Variants in IL1RN observed in about 807,000 individuals in gnomAD.
IL1RN encodes the protein interleukin-1 receptor antagonist protein.
IL1RN carries 10 observed loss-of-function variants against 13.7 expected under a neutral mutation model. That is an observed-to-expected ratio of 0.73 (90% CI 0.45 to 1.24). The LOEUF is 1.24. Ranked by LOEUF, IL1RN falls within the 50% of genes most tolerant of loss-of-function variation. The pLI is 0.00. For synonymous variants in IL1RN, 102 were observed against 82.7 expected (o/e 1.23, Z -1.27); for missense variants, 213 against 222.1 (o/e 0.96, Z 0.26).
At chr2:113,118,232 C>A (rs1241212775) in intron 1 of IL1RN, among the ~76,000 whole-genome samples, 1 of 152,198 alleles carries the variant, frequency 6.6e-6, no homozygotes, top group Non-Finnish European at 1.5e-5. Flanking sequence ...GCAGGGGCTG[C>A]AAGCCTAGTG....
the IL1RN span, among the ~76,000 whole-genome samples, chr2:113,099,896 G>T: frequency 6.6e-5 from 9 of 136,466 alleles, no homozygotes; most frequent in Non-Finnish European, 1.5e-4. Flanking sequence ...CACCACGCCC[G>T]GCTAATTTTT....
chr2:113,129,667 G>A lies in IL1RN; in HGVS notation c.205+3G>A, dbSNP rs772756844. The A allele has an allele frequency of 6.2e-7, 1 of 1,603,502 alleles. No homozygotes were observed. Among genetic ancestry groups the A allele is most frequent in the East Asian group, 2.2e-5 (1 of 44,842 alleles). On this transcript the variant is annotated splice_donor_region_variant and intron_variant, in intron 2 of 3. Coordinates refer to ENST00000409930, the MANE Select transcript of IL1RN (RefSeq NM_173842.3). ...AGGACCAAATGTCAATTTAGAAGGT[G>A]AGTGGTTGCCAGGAAAGCCAATGTA...
chr2:113,107,750 C>T (rs892199437), upstream of IL1RN, among the ~76,000 whole-genome samples: 1 of 152,022 alleles, frequency 6.6e-6, no homozygotes, highest in African/African-American at 2.4e-5. Context: ...CCAAACCAAA[C>T]CAAACCAATC....
upstream of IL1RN, among the ~76,000 whole-genome samples, chr2:113,123,073 C>T (rs1190031372): frequency 6.6e-6 from 1 of 152,058 alleles, no homozygotes; most frequent in African/African-American, 2.4e-5. Context: ...TGCGGTGAGC[C>T]TAGATTGCTC....
At chr2:113,112,402 C>T (rs1490788969) in intron 1 of IL1RN, among the ~76,000 whole-genome samples, 3 of 152,136 alleles carry the variant, frequency 2.0e-5, no homozygotes, top group Middle Eastern at 3.2e-3. Context: ...GTTGCTAGTC[C>T]TTCCCGCCAG....
intron 2 of IL1RN, among the ~76,000 whole-genome samples, chr2:113,120,754 CTA>C (rs1573289397): frequency 1.3e-5 from 2 of 152,278 alleles, no homozygotes; most frequent in East Asian, 3.9e-4. Flanking sequence ...AATAGTTACT[CTA>C]TGAGATAGGA....
Position 113,129,651 on chromosome 2 carries a change from T to C in IL1RN, c.192T>C (p.Asn64=), listed in dbSNP as rs146473306. The part of the protein sequence containing the change: ...QLVAGYLQGP[N]VNLEEKIDVV... ...TTGCTGGATACTTGCAAGGACCAAATGTCAATTTAGAAGGTGAGTGGTTGC... is the reference window on the plus strand; with the variant it reads ...TTGCTGGATACTTGCAAGGACCAAACGTCAATTTAGAAGGTGAGTGGTTGC... Residue 64 remains asparagine (N), a synonymous_variant, in exon 2 of 4, where the codon AAT becomes AAC. Transcript: ENST00000409930. 103 of 1,610,274 alleles carry C rather than the reference T, an allele frequency of 6.4e-5. No homozygotes were observed. Among genetic ancestry groups the C allele is most frequent in the Non-Finnish European group, 8.6e-5 (101 of 1,176,490 alleles).
At chr2:113,110,522 G>T (rs1270685299), upstream of IL1RN, among the ~76,000 whole-genome samples, 1 of 152,058 alleles carries the variant, frequency 6.6e-6, no homozygotes, top group Non-Finnish European at 1.5e-5. Context: ...TTCAATGCTG[G>T]CCAGCCTCTG....
At chr2:113,102,948 A>G (rs1686336945), upstream of IL1RN, among the ~76,000 whole-genome samples, 1 of 152,268 alleles carries the variant, frequency 6.6e-6, no homozygotes, top group Admixed American at 6.5e-5. Context: ...GCTTGGGCTC[A>G]GAGGCCTGAC....
Position 113,132,921 on chromosome 2 carries a change from G to A in IL1RN, c.*50G>A, listed in dbSNP as rs1458750831. On this transcript the variant is annotated 3_prime_UTR_variant, in exon 4 of 4. Coordinates refer to ENST00000409930, the MANE Select transcript of IL1RN (RefSeq NM_173842.3). ...ATTCTTGCATGGCAAGGACTGCAGG[G>A]ACTGCCAGTCCCCCTGCCCCAGGGC... 3 of 1,547,662 alleles carry A rather than the reference G, an allele frequency of 1.9e-6. No homozygotes were observed. The highest frequency in any genetic ancestry group is 2.7e-6 in the Non-Finnish European group (3 of 1,119,828).
chr2:113,114,509 G>C (rs1686555755), upstream of IL1RN, among the ~76,000 whole-genome samples: 1 of 152,144 alleles, frequency 6.6e-6, no homozygotes, highest in African/African-American at 2.4e-5. Flanking sequence ...GTAGCTCCCA[G>C]AAAAATGGAT....
At chr2:113,132,275 T>C (rs1687198507) in intron 3 of IL1RN, among the ~76,000 whole-genome samples, 1 of 152,200 alleles carries the variant, frequency 6.6e-6, no homozygotes, top group East Asian at 1.9e-4. Context: ...GGTGAAACCC[T>C]GTCTCTATTA....
At chr2:113,130,345 T>G (rs1687126159) in intron 2 of IL1RN, among the ~76,000 whole-genome samples, 1 of 152,224 alleles carries the variant, frequency 6.6e-6, no homozygotes, top group Non-Finnish European at 1.5e-5. Context: ...CCTGTCCTGG[T>G]AGTTCTCCTA....
At chr2:113,124,988 C>T (rs965542227), upstream of IL1RN, among the ~76,000 whole-genome samples, 5 of 152,134 alleles carry the variant, frequency 3.3e-5, no homozygotes, top group South Asian at 2.1e-4. Flanking sequence ...ACCCAGGAGC[C>T]GCAGTGTGGG....
rs779736923 is a variant in IL1RN, at chr2:113,118,080, G to A, written c.10+52G>A. 9 of 1,613,360 alleles carry A rather than the reference G, an allele frequency of 5.6e-6. No homozygotes were observed. In the South Asian group the frequency reaches 9.9e-5, roughly 18 times the overall value. ...CACCTGAGAAATGAGAGAGGAAAAT[G>A]TCTACAATTGGTGTTTATCAAATGC... On this transcript the variant is annotated intron_variant, in intron 1 of 5. Coordinates refer to the IL1RN transcript ENST00000259206.
chr2:113,127,325 T>G (rs1291630569), upstream of IL1RN: 1 of 334,394 alleles, frequency 3.0e-6, no homozygotes, highest in Non-Finnish European at 4.3e-6. Context: ...GTAGGGAGTT[T>G]GGTTTCCATT....
At chr2:113,103,534 G>A (rs73955150), upstream of IL1RN, among the ~76,000 whole-genome samples, 1,264 of 152,246 alleles carry the variant, frequency 8.3e-3, 22 homozygotes, top group African/African-American at 0.029. Flanking sequence ...GCAATGATTC[G>A]GAAATGGATT....
chr2:113,122,127 C>A (rs1686799876), intron 2 of IL1RN, among the ~76,000 whole-genome samples: 1 of 152,214 alleles, frequency 6.6e-6, no homozygotes, highest in Non-Finnish European at 1.5e-5. Context: ...GAAGCCATTA[C>A]AAGGCAGTGT....
chr2:113,118,173 G>A (rs190708535), intron 1 of IL1RN: 8 of 1,318,844 alleles, frequency 6.1e-6, no homozygotes, highest in African/African-American at 1.4e-5. Context: ...CTGTCTGGGG[G>A]ATCTGGGCAC....
Sources: allele counts gnomAD v4.1 joint callset (sites outside exome capture counted in the v4.1 genomes callset), GRCh38; gene constraint gnomAD v4.1.1; transcripts MANE v1.5; gene names NCBI Gene and HGNC (gene_info 2026-07-23, HGNC 2026-07-21).